TMEM132D: variants seen among roughly 807,000 people sequenced by gnomAD.
The protein encoded by TMEM132D is mature OL transmembrane protein.
TMEM132D carries 21 observed loss-of-function variants against 62.3 expected under a neutral mutation model. The observed-to-expected ratio is 0.34, with a 90% CI of 0.24 to 0.49. The LOEUF (loss-of-function observed/expected upper bound fraction) is 0.49, where lower values mean the gene tolerates loss of function less well. TMEM132D is among the 20% of genes least tolerant of loss of function. The pLI, the probability that TMEM132D is intolerant of heterozygous loss-of-function variation, is 0.99. For missense variants in TMEM132D, 1,346 were observed against 1,402.8 expected, an observed-to-expected ratio of 0.96 and a Z score of 0.65; for synonymous variants, 621 against 575.6, an observed-to-expected ratio of 1.08 and a Z score of -1.13.
chr12:129,481,678 A>T (rs1396356200), intron 3 of TMEM132D, among the ~76,000 whole-genome samples: 3 of 152,246 alleles, frequency 2.0e-5, no homozygotes, highest in African/African-American at 7.2e-5. Context: ...TATGAGCATC[A>T]ATTTAGGAAA....
At chr12:129,331,176 C>T (rs1247199279) in intron 4 of TMEM132D, among the ~76,000 whole-genome samples, 7 of 152,156 alleles carry the variant, frequency 4.6e-5, no homozygotes, top group South Asian at 2.1e-4. Context: ...ATCAGAATCA[C>T]GTTTGAGAAA....
intron 2 of TMEM132D, among the ~76,000 whole-genome samples, chr12:129,676,279 C>T (rs1880628898): frequency 6.6e-6 from 1 of 152,208 alleles, no homozygotes; most frequent in Admixed American, 6.5e-5. Flanking sequence ...GTCAGTCTGT[C>T]TGTCTACCTA....
chr12:129,207,016 G>A (rs369600421), intron 5 of TMEM132D, among the ~76,000 whole-genome samples: 1 of 152,092 alleles, frequency 6.6e-6, no homozygotes, highest in Non-Finnish European at 1.5e-5. Context: ...TATTACCTGG[G>A]TGATGAAACT....
At chr12:129,109,469 C>T (rs1189029151) in intron 5 of TMEM132D, among the ~76,000 whole-genome samples, 1 of 152,162 alleles carries the variant, frequency 6.6e-6, no homozygotes, top group Non-Finnish European at 1.5e-5. Context: ...CCAATTCATG[C>T]AGTCACCCTC....
intron 2 of TMEM132D, among the ~76,000 whole-genome samples, chr12:129,609,071 G>C (rs1350711922): frequency 2.0e-5 from 3 of 151,798 alleles, no homozygotes; most frequent in Non-Finnish European, 4.4e-5. Flanking sequence ...CTCCTGAGTA[G>C]CTGCAATTGC....
At chr12:129,214,542 C>T (rs1879148429) in intron 4 of TMEM132D, among the ~76,000 whole-genome samples, 1 of 152,162 alleles carries the variant, frequency 6.6e-6, no homozygotes, top group Non-Finnish European at 1.5e-5. Flanking sequence ...CTGTAACATG[C>T]CTGAATAAAA....
chr12:129,239,471 A>G (rs1443699834), intron 4 of TMEM132D, among the ~76,000 whole-genome samples: 2 of 152,228 alleles, frequency 1.3e-5, no homozygotes, highest in African/African-American at 2.4e-5. Flanking sequence ...AAATGACTGA[A>G]CAGTGTCCTC....
intron 2 of TMEM132D, among the ~76,000 whole-genome samples, chr12:129,665,526 G>C (rs1353748992): frequency 6.6e-6 from 1 of 151,474 alleles, no homozygotes; most frequent in Non-Finnish European, 1.5e-5. Flanking sequence ...CAGTCAAAAA[G>C]GAAAACATGC....
At chr12:129,166,262 A>G (rs996929998) in intron 5 of TMEM132D, among the ~76,000 whole-genome samples, 4 of 127,084 alleles carry the variant, frequency 3.1e-5, no homozygotes, top group Non-Finnish European at 3.6e-5. Context: ...TGTTGCGGCT[A>G]CAATGGGGAT....
intron 2 of TMEM132D, among the ~76,000 whole-genome samples, chr12:129,643,859 T>G (rs1879702744): frequency 6.6e-6 from 1 of 151,790 alleles, no homozygotes; most frequent in African/African-American, 2.4e-5. Context: ...TTTTTTTTTT[T>G]TTTTGAGACA....
At chr12:129,830,609 C>T (rs1347952223) in intron 1 of TMEM132D, among the ~76,000 whole-genome samples, 2 of 152,076 alleles carry the variant, frequency 1.3e-5, no homozygotes, top group East Asian at 1.9e-4. Flanking sequence ...TCTCCTGTTT[C>T]CCTAAAATGT....
chr12:129,183,243 A>G (rs1200887967), intron 5 of TMEM132D, among the ~76,000 whole-genome samples: 1 of 152,210 alleles, frequency 6.6e-6, no homozygotes, highest in East Asian at 1.9e-4. Flanking sequence ...GTAACAGTCT[A>G]CCATACCAGT....
intron 3 of TMEM132D, among the ~76,000 whole-genome samples, chr12:129,403,291 C>A (rs1471143162): frequency 1.4e-5 from 2 of 146,534 alleles, no homozygotes; most frequent in South Asian, 2.3e-4. Flanking sequence ...CGGAAAACAA[C>A]TGGCTTTCGA....
chr12:129,169,754 G>T (rs542923076), intron 5 of TMEM132D, among the ~76,000 whole-genome samples: 2 of 152,200 alleles, frequency 1.3e-5, no homozygotes, highest in East Asian at 1.9e-4. Context: ...TACTGCAGGG[G>T]CCATCTCATG....
Position 129,808,407 on chromosome 12 carries a change from A to G in TMEM132D, c.79+94854T>C, listed in dbSNP as rs78088585. Reference sequence around the variant, plus strand: ...GTGAAACTGGGACAGAATAAAAATAAAGACGGGTACAGGGATATTCAGGAA... The same window carrying G: ...GTGAAACTGGGACAGAATAAAAATAGAGACGGGTACAGGGATATTCAGGAA... On this transcript the variant is annotated intron_variant, in intron 1 of 8. Transcript: ENST00000422113. Among the ~76,000 whole-genome samples, 1,031 of 152,334 alleles carry G rather than the reference A, an allele frequency of 6.8e-3. 13 individuals carry two copies. Among genetic ancestry groups the G allele is most frequent in the African/African-American group, 0.024 (979 of 41,568 alleles).
At position 129,074,731 on chromosome 12, in the gene TMEM132D, C is replaced by G. The variant is rs2135604435; in HGVS notation, c.2444G>C (p.Gly815Ala). 6.2e-7 allele frequency: 1 copy of G among 1,614,140 alleles called. No homozygotes were observed. Residue 815 changes from glycine (G) to alanine (A), a missense_variant, in exon 9 of 9, where the codon GGG becomes GCG. By Grantham distance (60) the Gly-to-Ala change is moderately conservative (BLOSUM62 0). Transcript: ENST00000422113. The part of the protein sequence containing the change: ...NTSDSRHTGA[G>A]VHMENNVSDR... ...ACTGACATTGTTTTCCATGTGAACCCCTGCCCCTGTGTGTCTGCTGTCACT... is the reference window on the plus strand; with the variant it reads ...ACTGACATTGTTTTCCATGTGAACCGCTGCCCCTGTGTGTCTGCTGTCACT...
chr12:129,524,888 A>T (rs1252014272), intron 3 of TMEM132D, among the ~76,000 whole-genome samples: 1 of 149,770 alleles, frequency 6.7e-6, no homozygotes, highest in Non-Finnish European at 1.5e-5. Context: ...CCTCATCCTC[A>T]GAAAAACATT....
At chr12:129,515,548 A>T (rs1875647849) in intron 3 of TMEM132D, among the ~76,000 whole-genome samples, 1 of 152,108 alleles carries the variant, frequency 6.6e-6, no homozygotes, top group African/African-American at 2.4e-5. Context: ...AATACTGCAG[A>T]AGCAGAAGCA....
intron 2 of TMEM132D, among the ~76,000 whole-genome samples, chr12:129,643,165 C>A (rs1055867992): frequency 6.6e-6 from 1 of 152,050 alleles, no homozygotes; most frequent in Non-Finnish European, 1.5e-5. Flanking sequence ...CCTCGTGATC[C>A]ACCCACCTCA....
Sources: allele counts gnomAD v4.1 joint callset (sites outside exome capture counted in the v4.1 genomes callset), GRCh38; gene constraint gnomAD v4.1.1; transcripts MANE v1.5; gene names NCBI Gene and HGNC (gene_info 2026-07-23, HGNC 2026-07-21).